Variants in MARCKSL1 observed in about 807,000 individuals in gnomAD.
MARCKSL1 encodes MARCKS like 1, also known as MARCKS-related protein.
Under a neutral mutation model 13.3 loss-of-function variants are expected in MARCKSL1, and 5 were observed. That is an observed-to-expected ratio of 0.38 (90% CI 0.20 to 0.79). The LOEUF is 0.79. Among genes scored for constraint, MARCKSL1 ranks in the 30% least tolerant of loss-of-function variants. The pLI is 0.45. For synonymous variants in MARCKSL1, 126 were observed against 103.2 expected, an observed-to-expected ratio of 1.22 and a Z score of -1.34; for missense variants, 274 against 251.6, an observed-to-expected ratio of 1.09 and a Z score of -0.60.
At position 32,336,197 on chromosome 1, in the gene MARCKSL1, C is replaced by G. The variant is rs921187191; in HGVS notation, c.-164G>C. The G allele has an allele frequency of 3.5e-5, 12 of 340,776 alleles. No homozygotes were observed. The highest frequency in any genetic ancestry group is 3.7e-5 in the Non-Finnish European group (7 of 189,354). 21.1% of individuals were successfully genotyped at this position (340,776 alleles called of 1,614,324 possible). The stretch of plus-strand genomic sequence containing the variant: ...CTCCGCTCCGCGGCCGACCCGCTAG[C>G]TGCGCCCGCCGCCGCTCCGCTCCGC... On this transcript the variant is annotated 5_prime_UTR_variant, in exon 1 of 2. Coordinates refer to ENST00000329421, the MANE Select transcript of MARCKSL1 (RefSeq NM_023009.7).
Position 32,334,462 on chromosome 1 carries a change from A to G in MARCKSL1, c.*135T>C, listed in dbSNP as rs1641348592. The G allele has an allele frequency of 9.5e-7, 1 of 1,049,046 alleles. No individual in the cohort carries two copies. Among genetic ancestry groups the G allele is most frequent in the Non-Finnish European group, 1.3e-6 (1 of 751,980 alleles). 65.0% of individuals were successfully genotyped at this position (1,049,046 alleles called of 1,614,324 possible). On this transcript the variant is annotated 3_prime_UTR_variant, in exon 2 of 2. Transcript: ENST00000329421. ...CACAGGAGGGAGAGGAGGAAAGGGA[A>G]CGTGGCTGGGAGGAGGCAATAGCCC...
rs780234351 is a variant in MARCKSL1, at chr1:32,336,005, C to G, written c.29G>C (p.Arg10Pro). 3 of 1,294,134 alleles carry G rather than the reference C, an allele frequency of 2.3e-6. No individual in the cohort carries two copies. Among genetic ancestry groups the G allele is most frequent in the South Asian group, 6.1e-5 (2 of 32,714 alleles). 80.2% of individuals were successfully genotyped at this position (1,294,134 alleles called of 1,614,324 possible). Residue 10 changes from arginine (R) to proline (P), a missense_variant, in exon 1 of 2, where the codon CGG becomes CCG. Arg to Pro is a moderately radical substitution (Grantham distance 103). Coordinates refer to ENST00000329421, the MANE Select transcript of MARCKSL1 (RefSeq NM_023009.7). Reference protein sequence around the residue: MGSQSSKAPRGDVTAEEAAG... With the variant: MGSQSSKAPPGDVTAEEAAG... ...TGCCTCCTCGGCGGTCACGTCGCCC[C>G]GGGGAGCCTTGGAGCTCTGGCTGCC... is the stretch of plus-strand genomic sequence containing the variant.
In MARCKSL1 at chr1:32,335,151, G is replaced by A. The variant is rs1641365193; in HGVS notation, c.88-54C>T. ...GCAGGGGCTCCCCCTCCCCCAGCCC[G>A]CTTCTGATCCCTTCTAGAGGAAGGG... On this transcript the variant is annotated intron_variant, in intron 1 of 1. Coordinates refer to ENST00000329421, the MANE Select transcript of MARCKSL1 (RefSeq NM_023009.7). The surrounding 1 kb of genome is among the most constrained non-coding windows in gnomAD (Gnocchi z 4.1). 6.7e-7 allele frequency: 1 copy of A among 1,488,698 alleles called. No homozygotes were observed. The highest frequency in any genetic ancestry group is 8.9e-7 in the Non-Finnish European group (1 of 1,120,536). The allele number at this position is 1,488,698 out of a possible 1,614,324, so 92.2% of individuals were successfully genotyped here.
chr1:32,334,814 T>A lies in MARCKSL1; in HGVS notation c.371A>T (p.Glu124Val). 5.6e-6 allele frequency: 9 copies of A among 1,612,240 alleles called. No homozygotes were observed. Among genetic ancestry groups the A allele is most frequent in the Non-Finnish European group, 7.6e-6 (9 of 1,179,944 alleles). The change falls in exon 2 of 2, where the codon GAA (glutamate) becomes GTA (valine). Residue 124 changes from glutamate to valine, a missense_variant. Physicochemically the swap from Glu to Val is moderately radical, Grantham distance 121. Coordinates refer to ENST00000329421, the MANE Select transcript of MARCKSL1 (RefSeq NM_023009.7). ...ACCGATCTCCCCCTGCTCCTGCTCT[T>A]CCTCTGTGGGTGAGGAGGCAGAAGA... ...GDSSASSPTE[E>V]EQEQGEIGAC...
Position 32,335,203 on chromosome 1 carries a change from C to G in MARCKSL1, c.88-106G>C. On this transcript the variant is annotated intron_variant, in intron 1 of 1. Transcript: ENST00000329421. The surrounding 1 kb of genome is among the most constrained non-coding windows in gnomAD (Gnocchi z 4.1). Reference sequence around the variant, plus strand: ...TCCTCGATTCGATTCTACTGCAACCCGAAAGTCTGGCTTCAGCCTCACCCA... The same window carrying G: ...TCCTCGATTCGATTCTACTGCAACCGGAAAGTCTGGCTTCAGCCTCACCCA... The G allele has an allele frequency of 2.4e-6, 3 of 1,234,856 alleles. No individual in the cohort carries two copies. Among genetic ancestry groups the G allele is most frequent in the South Asian group, 4.8e-5 (2 of 41,914 alleles). The allele number at this position is 1,234,856 out of a possible 1,614,324, so 76.5% of individuals were successfully genotyped here.
In MARCKSL1 at chr1:32,334,716, T is replaced by C; in HGVS notation, c.469A>G (p.Lys157Glu). The part of the protein sequence containing the change: ...ATPESQEPQA[K>E]GAEASAASEE... ...GAGGCTGCACTAGCCTCTGCCCCCTTGGCCTGGGGTTCCTGGCTCTCAGGG... is the reference window on the plus strand; with the variant it reads ...GAGGCTGCACTAGCCTCTGCCCCCTCGGCCTGGGGTTCCTGGCTCTCAGGG... Residue 157 changes from lysine (K) to glutamate (E), a missense_variant, in exon 2 of 2, where the codon AAG becomes GAG. Physicochemically the swap from Lys to Glu is moderately conservative, Grantham distance 56. Coordinates refer to ENST00000329421, the MANE Select transcript of MARCKSL1 (RefSeq NM_023009.7). The C allele has an allele frequency of 6.2e-7, 1 of 1,612,666 alleles. No individual in the cohort carries two copies. Among genetic ancestry groups the C allele is most frequent in the Non-Finnish European group, 8.5e-7 (1 of 1,179,940 alleles).
Position 32,335,120 on chromosome 1 carries a change from A to C in MARCKSL1, c.88-23T>G. 1 of 1,513,676 alleles carries C rather than the reference A, an allele frequency of 6.6e-7. No individual in the cohort carries two copies. The highest frequency in any genetic ancestry group is 8.8e-7 in the Non-Finnish European group (1 of 1,132,438). 93.8% of individuals were successfully genotyped at this position (1,513,676 alleles called of 1,614,324 possible). On this transcript the variant is annotated intron_variant, in intron 1 of 1. Coordinates refer to ENST00000329421, the MANE Select transcript of MARCKSL1 (RefSeq NM_023009.7). The surrounding 1 kb of genome is among the most constrained non-coding windows in gnomAD (Gnocchi z 4.1). ...CTCCTGCAGGGCAGAGGGAATAGCA[A>C]TGAGGGCAGGGGCTCCCCCTCCCCC...
Position 32,336,195 on chromosome 1 carries a change from A to G in MARCKSL1, c.-162T>C, listed in dbSNP as rs1016546859. On this transcript the variant is annotated 5_prime_UTR_variant, in exon 1 of 2. Transcript: ENST00000329421. ...ACCTCCGCTCCGCGGCCGACCCGCT[A>G]GCTGCGCCCGCCGCCGCTCCGCTCC... 2 of 341,838 alleles carry G rather than the reference A, an allele frequency of 5.9e-6. No homozygotes were observed. The highest frequency in any genetic ancestry group is 2.2e-5 in the African/African-American group (1 of 46,276). 21.2% of individuals were successfully genotyped at this position (341,838 alleles called of 1,614,324 possible). A position where few individuals can be genotyped will look rare whatever the true frequency, so the allele number is the denominator to read the frequency against.
Position 32,335,178 on chromosome 1 carries a change from T to C in MARCKSL1, c.88-81A>G. On this transcript the variant is annotated intron_variant, in intron 1 of 1. Coordinates refer to ENST00000329421, the MANE Select transcript of MARCKSL1 (RefSeq NM_023009.7). This position sits in a 1 kb window ranked among gnomAD's most constrained non-coding sequence, Gnocchi z 4.1. ...TTCTGATCCCTTCTAGAGGAAGGGG[T>C]CCTCGATTCGATTCTACTGCAACCC... 1 of 1,370,412 alleles carries C rather than the reference T, an allele frequency of 7.3e-7. No individual in the cohort carries two copies. Among genetic ancestry groups the C allele is most frequent in the Non-Finnish European group, 9.5e-7 (1 of 1,052,262 alleles). The allele number at this position is 1,370,412 out of a possible 1,614,324, so 84.9% of individuals were successfully genotyped here.
Position 32,335,077 on chromosome 1 carries a change from G to A in MARCKSL1, c.108C>T (p.Ser36=), listed in dbSNP as rs775908628. The A allele has an allele frequency of 6.5e-7, 1 of 1,528,170 alleles. No individual in the cohort carries two copies. Among genetic ancestry groups the A allele is most frequent in the Admixed American group, 2.2e-5 (1 of 45,566 alleles). The allele number at this position is 1,528,170 out of a possible 1,614,324, so 94.7% of individuals were successfully genotyped here. A position where few individuals can be genotyped will look rare whatever the true frequency, so the allele number is the denominator to read the frequency against. ...ANGQENGHVK[S]NGDLSPKGEG... Reference sequence around the variant, plus strand: ...CACCCTTGGGGGATAAGTCTCCATTGCTTTTCACGTGGCCATTCTCCTGCA... The same window carrying A: ...CACCCTTGGGGGATAAGTCTCCATTACTTTTCACGTGGCCATTCTCCTGCA... The change falls in exon 2 of 2, where the codon AGC becomes AGT. Residue 36 remains serine, a synonymous_variant. Coordinates refer to ENST00000329421, the MANE Select transcript of MARCKSL1 (RefSeq NM_023009.7). This position sits in a 1 kb window ranked among gnomAD's most constrained non-coding sequence, Gnocchi z 4.1.
Position 32,334,940 on chromosome 1 carries a change from G to A in MARCKSL1, c.245C>T (p.Pro82Leu), listed in dbSNP as rs775098123. Residue 82 changes from proline (P) to leucine (L), a missense_variant, in exon 2 of 2, where the codon CCC becomes CTC. Physicochemically the swap from Pro to Leu is moderately conservative, Grantham distance 98. Transcript: ENST00000329421. The part of the protein sequence containing the change: ...QGAEAKGEVP[P>L]KETPKKKKKF... The stretch of plus-strand genomic sequence containing the variant: ...CTTCTTCTTCTTGGGGGTCTCCTTG[G>A]GGGGGACCTCCCCCTTGGCCTCAGC... The A allele has an allele frequency of 6.2e-7, 1 of 1,612,236 alleles. No homozygotes were observed. Among genetic ancestry groups the A allele is most frequent in the East Asian group, 2.2e-5 (1 of 44,838 alleles).
Position 32,334,310 on chromosome 1 carries a change from G to T in MARCKSL1, c.*287C>A. ...AAACCAACAACTGCCTTATGCAGGG[G>T]TGGGGACAGGGAAGGAGGTAGGGCC... On this transcript the variant is annotated 3_prime_UTR_variant, in exon 2 of 2. Coordinates refer to ENST00000329421, the MANE Select transcript of MARCKSL1 (RefSeq NM_023009.7). 1 of 336,392 alleles carries T rather than the reference G, an allele frequency of 3.0e-6. No homozygotes were observed. The highest frequency in any genetic ancestry group is 5.4e-6 in the Non-Finnish European group (1 of 186,338). 20.8% of individuals were successfully genotyped at this position (336,392 alleles called of 1,614,324 possible). A position where few individuals can be genotyped will look rare whatever the true frequency, so the allele number is the denominator to read the frequency against.
rs1450566208 is a variant in MARCKSL1 at position 32,335,511 on chromosome 1, G to A, written c.88-414C>T. Among the ~76,000 whole-genome samples the A allele has an allele frequency of 6.6e-6, 1 of 151,724 alleles. No homozygotes were observed. Among genetic ancestry groups the A allele is most frequent in the Non-Finnish European group, 1.5e-5 (1 of 67,812 alleles). On this transcript the variant is annotated intron_variant, in intron 1 of 1. Transcript: ENST00000329421. This position sits in a 1 kb window ranked among gnomAD's most constrained non-coding sequence, Gnocchi z 4.1. ...TCCCAGCCTCCCGCTTTGTGTAAGT[G>A]GCCCCCACCCACCCCAGGCTCTCCC...
rs748843732 is a variant in MARCKSL1 at position 32,334,801 on chromosome 1, C to G, written c.384G>C (p.Gln128His). Residue 128 changes from glutamine (Q) to histidine (H), a missense_variant, in exon 2 of 2, where the codon CAG becomes CAC. Transcript: ENST00000329421. ...CGTCGCTGCAGGCACCGATCTCCCCCTGCTCCTGCTCTTCCTCTGTGGGTG... is the reference window on the plus strand; with the variant it reads ...CGTCGCTGCAGGCACCGATCTCCCCGTGCTCCTGCTCTTCCTCTGTGGGTG... ...ASSPTEEEQE[Q>H]GEIGACSDEG... 6.2e-7 allele frequency: 1 copy of G among 1,611,892 alleles called. No homozygotes were observed. The highest frequency in any genetic ancestry group is 1.1e-5 in the South Asian group (1 of 91,048).
chr1:32,336,030 C>A lies in MARCKSL1; in HGVS notation c.4G>T (p.Gly2Cys). The A allele has an allele frequency of 7.7e-7, 1 of 1,291,974 alleles. No individual in the cohort carries two copies. Among genetic ancestry groups the A allele is most frequent in the South Asian group, 3.1e-5 (1 of 32,426 alleles). 80.0% of individuals were successfully genotyped at this position (1,291,974 alleles called of 1,614,324 possible). A position where few individuals can be genotyped will look rare whatever the true frequency, so the allele number is the denominator to read the frequency against. Residue 2 changes from glycine to cysteine, a missense_variant, in exon 1 of 2, where the codon GGC becomes TGC. Gly to Cys is a radical substitution (Grantham distance 159). Coordinates refer to ENST00000329421, the MANE Select transcript of MARCKSL1 (RefSeq NM_023009.7). M[G>C]SQSSKAPRGD... is the part of the protein sequence containing the mutation. ...CGGGGAGCCTTGGAGCTCTGGCTGC[C>A]CATGATGGGGGTCTGCTGGGGGGCG...
Position 32,334,867 on chromosome 1 carries a change from C to A in MARCKSL1, c.318G>T (p.Lys106Asn), listed in dbSNP as rs1340820934. The A allele has an allele frequency of 6.2e-7, 1 of 1,612,646 alleles. No homozygotes were observed. The highest frequency in any genetic ancestry group is 1.1e-5 in the South Asian group (1 of 91,074). Residue 106 changes from lysine (K) to asparagine (N), a missense_variant, in exon 2 of 2, where the codon AAG becomes AAT. Coordinates refer to ENST00000329421, the MANE Select transcript of MARCKSL1 (RefSeq NM_023009.7). ...KPFKLSGLSF[K>N]RNRKEGGGDS... ...CACCCCCACCCTCCTTCCGATTTCT[C>A]TTGAAGGACAGGCCGCTCAATTTGA...
Position 32,334,846 on chromosome 1 carries a change from C to A in MARCKSL1, c.339G>T (p.Gly113=). The change falls in exon 2 of 2, where the codon GGG becomes GGT. Residue 113 remains glycine, a synonymous_variant. Transcript: ENST00000329421. ...TGGGTGAGGAGGCAGAAGAATCACCCCCACCCTCCTTCCGATTTCTCTTGA... is the reference window on the plus strand; with the variant it reads ...TGGGTGAGGAGGCAGAAGAATCACCACCACCCTCCTTCCGATTTCTCTTGA... ...LSFKRNRKEG[G]GDSSASSPTE... is the part of the protein sequence containing the mutation. The A allele has an allele frequency of 6.2e-7, 1 of 1,612,452 alleles. No individual in the cohort carries two copies.
In MARCKSL1 at chr1:32,334,999, G is replaced by A. The variant is rs1330748323; in HGVS notation, c.186C>T (p.Gly62=). ...NGTDEAAGAT[G]DAIEPAPPSQ... is the part of the protein sequence containing the mutation. ...TAGGGGGTGCTGGCTCGATGGCATC[G>A]CCAGTGGCCCCGGCTGCCTCATCTG... The change falls in exon 2 of 2, where the codon GGC becomes GGT. Residue 62 remains glycine (G), a synonymous_variant. Coordinates refer to ENST00000329421, the MANE Select transcript of MARCKSL1 (RefSeq NM_023009.7). The A allele has an allele frequency of 2.5e-6, 4 of 1,605,924 alleles. No individual in the cohort carries two copies. Among genetic ancestry groups the A allele is most frequent in the Non-Finnish European group, 3.4e-6 (4 of 1,176,488 alleles).
Position 32,335,063 on chromosome 1 carries a change from G to T in MARCKSL1, c.122C>A (p.Ser41Tyr). The change falls in exon 2 of 2, where the codon TCC becomes TAC. Residue 41 changes from serine (S) to tyrosine (Y), a missense_variant. By Grantham distance (144) the Ser-to-Tyr change is moderately radical (BLOSUM62 -2). Coordinates refer to ENST00000329421, the MANE Select transcript of MARCKSL1 (RefSeq NM_023009.7). This position sits in a 1 kb window ranked among gnomAD's most constrained non-coding sequence, Gnocchi z 4.1. ...GGGCGACTCCCCTTCACCCTTGGGG[G>T]ATAAGTCTCCATTGCTTTTCACGTG... ...NGHVKSNGDLSPKGEGESPPV... is the reference protein window; with the variant it reads ...NGHVKSNGDLYPKGEGESPPV... 5 of 1,541,134 alleles carry T rather than the reference G, an allele frequency of 3.2e-6. No individual in the cohort carries two copies. In the South Asian group the frequency reaches 5.0e-5, roughly 15 times the overall value.
Sources: gnomAD v4.1 joint callset for allele counts (sites outside exome capture counted in the v4.1 genomes callset) on GRCh38, gnomAD v4.1.1 for gene constraint, Gnocchi (gnomAD v3.1) non-coding constraint, MANE v1.5 for transcripts, NCBI Gene and HGNC (gene_info 2026-07-23, HGNC 2026-07-21) for gene names.